ZNF217: variants seen among roughly 807,000 people sequenced by gnomAD.
ZNF217 encodes zinc finger protein 217.
In ZNF217, 12 loss-of-function variants were observed where a neutral mutation model predicts 73.3. The observed-to-expected ratio is 0.16, with a 90% CI of 0.10 to 0.27. The LOEUF is 0.27. Ranked by LOEUF, ZNF217 falls within the 10% of genes least tolerant of loss-of-function variation. ZNF217 has a pLI of 1.00. For synonymous variants in ZNF217, 588 were observed against 516.4 expected (o/e 1.14, Z -1.88); for missense variants, 1,195 against 1,327.8 (o/e 0.90, Z 1.55).
rs201278892 is a variant in ZNF217 at position 53,581,741 on chromosome 20, G to A, written c.1086C>T (p.Asp362=). ...KHSHGEAPSV[D]ADPKLPSSKE... Reference sequence around the variant, plus strand: ...TGCTACTGGGTAACTTGGGATCCGCGTCCACGGAGGGCGCTTCGCCGTGGG... The same window carrying A: ...TGCTACTGGGTAACTTGGGATCCGCATCCACGGAGGGCGCTTCGCCGTGGG... The change falls in exon 2 of 6, where the codon GAC becomes GAT. Residue 362 remains aspartate (D), a synonymous_variant. Transcript: ENST00000371471. This position sits in a 1 kb window ranked among gnomAD's most constrained non-coding sequence, Gnocchi z 4.9. 272 of 1,614,230 alleles carry A rather than the reference G, an allele frequency of 1.7e-4. 2 individuals are homozygous for A. The South Asian group carries it at 2.7e-3, about 16-fold the overall frequency.
rs1988564546 is a variant in ZNF217 at position 53,582,918 on chromosome 20, A to G, written c.-92T>C. Reference sequence around the variant, plus strand: ...CACCCCTCTAACAGCCCTGGGTTCCAAAAACCAGAGCAAATATTTATTATA... The same window carrying G: ...CACCCCTCTAACAGCCCTGGGTTCCGAAAACCAGAGCAAATATTTATTATA... On this transcript the variant is annotated 5_prime_UTR_variant, in exon 2 of 6. Coordinates refer to ENST00000371471, the MANE Select transcript of ZNF217 (RefSeq NM_006526.3). This position sits in a 1 kb window ranked among gnomAD's most constrained non-coding sequence, Gnocchi z 4.8. 3.0e-6 allele frequency: 4 copies of G among 1,327,320 alleles called. No homozygotes were observed. The highest frequency in any genetic ancestry group is 4.1e-6 in the Non-Finnish European group (4 of 966,182). The allele number at this position is 1,327,320 out of a possible 1,614,324, so 82.2% of individuals were successfully genotyped here.
chr20:53,573,012 C>G (rs1479362611), intron 4 of ZNF217, among the ~76,000 whole-genome samples: 1 of 152,158 alleles, frequency 6.6e-6, no homozygotes, highest in South Asian at 2.1e-4. Context: ...GGCACTGGCT[C>G]CAGGACCACC....
chr20:53,577,312 G>C (rs1355408870), intron 3 of ZNF217, 32 bp from the exon 4 acceptor site: 4 of 1,562,504 alleles, frequency 2.6e-6, no homozygotes, highest in Non-Finnish European at 3.5e-6. Context: ...TATTATAGAA[G>C]TGTATGAAAA....
intron 5 of ZNF217, among the ~76,000 whole-genome samples, 182 bp from the exon 6 acceptor site, chr20:53,569,446 G>A (rs1187531467): frequency 2.6e-5 from 4 of 152,262 alleles, no homozygotes; most frequent in East Asian, 1.9e-4. Flanking sequence ...GCAGCGGCAC[G>A]ATCTTGGCTC....
Position 53,576,507 on chromosome 20 carries a change from G to A in ZNF217, c.2257C>T (p.Arg753Cys). The A allele has an allele frequency of 1.9e-6, 3 of 1,614,244 alleles. No homozygotes were observed. The highest frequency in any genetic ancestry group is 2.5e-6 in the Non-Finnish European group (3 of 1,180,044). ...CRNKSLLRSR[R>C]TGCPPALLGK... The stretch of plus-strand genomic sequence containing the variant: ...AGCAACGCTGGCGGGCATCCGGTAC[G>A]TCGACTTCTAAGCAAGGACTTGTTT... The change falls in exon 4 of 6, where the codon CGT becomes TGT. Residue 753 changes from arginine (R) to cysteine (C), a missense_variant. Transcript: ENST00000371471.
chr20:53,576,646 C>A lies in ZNF217; in HGVS notation c.2118G>T (p.Leu706Phe). The A allele has an allele frequency of 6.2e-7, 1 of 1,614,200 alleles. No homozygotes were observed. Among genetic ancestry groups the A allele is most frequent in the East Asian group, 2.2e-5 (1 of 44,888 alleles). ...NCPAISLSKS[L>F]IPSITCPFCT... ...AAAATGGACAGGTGATACTTGGAAT[C>A]AAACTTTTACTCAAAGAAATTGCCG... The change falls in exon 4 of 6, where the codon TTG (leucine) becomes TTT (phenylalanine). Residue 706 changes from leucine (L) to phenylalanine (F), a missense_variant. Physicochemically the swap from Leu to Phe is conservative, Grantham distance 22. Around this residue, in one of 9 missense-constraint regions of ZNF217, gnomAD observed 649 missense variants for 642.8 expected, o/e 1.01. Coordinates refer to ENST00000371471, the MANE Select transcript of ZNF217 (RefSeq NM_006526.3).
upstream of ZNF217, among the ~76,000 whole-genome samples, chr20:53,594,242 C>G (rs1245202029): frequency 6.6e-6 from 1 of 151,784 alleles, no homozygotes; most frequent in Non-Finnish European, 1.5e-5. Context: ...GCGTCCGGCG[C>G]TGGGGGACTG....
chr20:53,594,413 G>T (rs1989001033), upstream of ZNF217, among the ~76,000 whole-genome samples: 1 of 149,802 alleles, frequency 6.7e-6, no homozygotes, highest in Non-Finnish European at 1.5e-5. Context: ...GCGCCCACGT[G>T]ACTAGCATAG....
At position 53,581,603 on chromosome 20, in the gene ZNF217, G is replaced by C. The variant is rs143799755; in HGVS notation, c.1224C>G (p.Pro408=). The C allele has an allele frequency of 1.0e-4, 169 of 1,614,100 alleles. No homozygotes were observed. The highest frequency in any genetic ancestry group is 1.4e-4 in the Non-Finnish European group (164 of 1,180,038). The change falls in exon 2 of 6, where the codon CCC becomes CCG. Residue 408 remains proline (P), a synonymous_variant. Coordinates refer to ENST00000371471, the MANE Select transcript of ZNF217 (RefSeq NM_006526.3). The surrounding 1 kb of genome is among the most constrained non-coding windows in gnomAD (Gnocchi z 4.9). ...KKDRRAGAES[P]TMSVDGRQPG... is the part of the protein sequence containing the mutation. ...GCTGCCTCCCGTCCACAGACATGGT[G>C]GGCGACTCCGCGCCGGCCCTCCGGT...
chr20:53,581,626 G>C lies in ZNF217; in HGVS notation c.1201C>G (p.Arg401Gly). Residue 401 changes from arginine to glycine, a missense_variant, in exon 2 of 6, where the codon CGG becomes GGG. Physicochemically the swap from Arg to Gly is moderately radical, Grantham distance 125 (BLOSUM62 -2). Transcript: ENST00000371471. This position sits in a 1 kb window ranked among gnomAD's most constrained non-coding sequence, Gnocchi z 4.9. Reference sequence around the variant, plus strand: ...GTGGGCGACTCCGCGCCGGCCCTCCGGTCCTTCTTGTGGACCCTGGAGTGC... The same window carrying C: ...GTGGGCGACTCCGCGCCGGCCCTCCCGTCCTTCTTGTGGACCCTGGAGTGC... ...VLHSRVHKKD[R>G]RAGAESPTMS... is the part of the protein sequence containing the mutation. The C allele has an allele frequency of 6.2e-7, 1 of 1,614,208 alleles. No homozygotes were observed. Among genetic ancestry groups the C allele is most frequent in the Non-Finnish European group, 8.5e-7 (1 of 1,180,026 alleles).
chr20:53,572,042 T>C (rs1272756197), intron 4 of ZNF217, among the ~76,000 whole-genome samples, 189 bp from the exon 5 acceptor site: 2 of 152,222 alleles, frequency 1.3e-5, no homozygotes, highest in Non-Finnish European at 2.9e-5. Context: ...GCACAGAATT[T>C]GGTTGATGTC....
chr20:53,592,922 G>A (rs1213048333), intron 1 of ZNF217, among the ~76,000 whole-genome samples: 1 of 151,626 alleles, frequency 6.6e-6, no homozygotes, highest in Non-Finnish European at 1.5e-5. Context: ...AGAGTTCCCA[G>A]TTCTGCTTCC....
At position 53,581,542 on chromosome 20, in the gene ZNF217, C is replaced by G; in HGVS notation, c.1285G>C (p.Asp429His). The change falls in exon 2 of 6, where the codon GAT becomes CAT. Residue 429 changes from aspartate to histidine, a missense_variant. By Grantham distance (81) the Asp-to-His change is moderately conservative. Coordinates refer to ENST00000371471, the MANE Select transcript of ZNF217 (RefSeq NM_006526.3). This position sits in a 1 kb window ranked among gnomAD's most constrained non-coding sequence, Gnocchi z 4.9. ...CCTCGATCCACGGCTCCATTTTCAT[C>G]CAGAGGGGCGGCGAGGTCAGGAGAA... ...TCSPDLAAPL[D>H]ENGAVDRGEG... The G allele has an allele frequency of 6.2e-7, 1 of 1,614,198 alleles. No homozygotes were observed. The highest frequency in any genetic ancestry group is 1.3e-5 in the African/African-American group (1 of 75,060).
At chr20:53,569,584 A>G (rs1048435280) in intron 5 of ZNF217, among the ~76,000 whole-genome samples, 2 of 152,114 alleles carry the variant, frequency 1.3e-5, no homozygotes, top group African/African-American at 2.4e-5. Context: ...GGGTTTCACC[A>G]TGTTGGCCAG....
intron 4 of ZNF217, among the ~76,000 whole-genome samples, chr20:53,573,218 G>C (rs1321142103): frequency 6.6e-6 from 1 of 151,392 alleles, no homozygotes; most frequent in Non-Finnish European, 1.5e-5. Flanking sequence ...CACCTCCCAA[G>C]GTTCAAGTGA....
At chr20:53,583,828 C>A (rs1159852693) in intron 1 of ZNF217, among the ~76,000 whole-genome samples, 1 of 152,374 alleles carries the variant, frequency 6.6e-6, no homozygotes, top group African/African-American at 2.4e-5. Flanking sequence ...ACTGGATATT[C>A]GAAACCTCAA....
chr20:53,580,269 G>A (rs1303069175), intron 2 of ZNF217, among the ~76,000 whole-genome samples: 4 of 152,142 alleles, frequency 2.6e-5, no homozygotes, highest in Non-Finnish European at 5.9e-5. Context: ...TCAATCGTGT[G>A]GGCAAATTCA....
At chr20:53,569,354 C>T in intron 5 of ZNF217, 90 bp from the exon 6 acceptor site, 1 of 909,476 alleles carries the variant, frequency 1.1e-6, no homozygotes, top group Non-Finnish European at 1.4e-6. Context: ...ATACATAGAA[C>T]CAAACTGACC....
At chr20:53,589,911 G>A (rs1048830223) in intron 1 of ZNF217, among the ~76,000 whole-genome samples, 2 of 130,676 alleles carry the variant, frequency 1.5e-5, no homozygotes, top group African/African-American at 6.0e-5. Flanking sequence ...CCCCCCCGCA[G>A]AATCTGGAGA....
Sources: gnomAD v4.1 joint callset for allele counts (sites outside exome capture counted in the v4.1 genomes callset) on GRCh38, gnomAD v4.1.1 for gene constraint, gnomAD v4.1.1 regional missense constraint, Gnocchi (gnomAD v3.1) non-coding constraint, MANE v1.5 for transcripts, NCBI Gene and HGNC (gene_info 2026-07-23, HGNC 2026-07-21) for gene names.